DDX43: variants seen among roughly 807,000 people sequenced by gnomAD.
The protein encoded by DDX43 is probable ATP-dependent RNA helicase DDX43.
A neutral mutation model predicts 84.9 loss-of-function variants in DDX43; 50 were observed. The observed-to-expected ratio is 0.59, with a 90% CI of 0.47 to 0.75. The LOEUF (loss-of-function observed/expected upper bound fraction) is 0.75. Ranked by LOEUF, DDX43 falls within the 30% of genes least tolerant of loss-of-function variation. The pLI is 0.00. For synonymous variants in DDX43, 291 were observed against 266.3 expected, an observed-to-expected ratio of 1.09 and a Z score of -0.90; for missense variants, 689 against 798.6, an observed-to-expected ratio of 0.86 and a Z score of 1.65.
At chr6:73,403,757 C>G (rs1367571236) in intron 4 of DDX43, among the ~76,000 whole-genome samples, 1 of 152,008 alleles carries the variant, frequency 6.6e-6, no homozygotes, top group African/African-American at 2.4e-5. Context: ...TCAAGTGATC[C>G]TCCCACCTCA....
In DDX43 at chr6:73,413,735, G is replaced by A. The variant is rs1232600474; in HGVS notation, c.1446G>A (p.Gln482=). Residue 482 remains glutamine, a synonymous_variant, in exon 12 of 17, where the codon CAG becomes CAA. Transcript: ENST00000370336. ...EKWSHMQTFL[Q]SMSSTDKVIV... is the part of the protein sequence containing the mutation. The stretch of plus-strand genomic sequence containing the variant: ...GGAGTCACATGCAAACTTTTCTACA[G>A]AGTATGTCATCCACAGACAAAGTCA... 1 of 1,613,868 alleles carries A rather than the reference G, an allele frequency of 6.2e-7. No individual in the cohort carries two copies. Among genetic ancestry groups the A allele is most frequent in the Non-Finnish European group, 8.5e-7 (1 of 1,179,894 alleles).
rs138818742 is a variant in DDX43, at chr6:73,406,463, C to A, written c.907C>A (p.His303Asn). The A allele has an allele frequency of 2.1e-4, 339 of 1,610,138 alleles. No homozygotes were observed. The highest frequency in any genetic ancestry group is 2.8e-4 in the Non-Finnish European group (327 of 1,176,762). ...TLCYLMPGFI[H>N]LVLQPSLKGQ... is the part of the protein sequence containing the mutation. ...GTGTTATTTAATGCCTGGATTTATT[C>A]ATCTGGTCCTTCAACCCAGGTAAGA... is the stretch of plus-strand genomic sequence containing the variant. The change falls in exon 7 of 17, where the codon CAT becomes AAT. Residue 303 changes from histidine to asparagine, a missense_variant. Coordinates refer to ENST00000370336, the MANE Select transcript of DDX43 (RefSeq NM_018665.3).
At chr6:73,413,470 G>A (rs925487595) in intron 11 of DDX43, 188 bp from the exon 12 acceptor site, 1 of 472,464 alleles carries the variant, frequency 2.1e-6, no homozygotes, top group Non-Finnish European at 3.7e-6. Flanking sequence ...AGTATTTTGA[G>A]GTTAAGTGAC....
At chr6:73,411,485 C>T (rs1328837402) in intron 10 of DDX43, among the ~76,000 whole-genome samples, 3 of 151,550 alleles carry the variant, frequency 2.0e-5, no homozygotes, top group East Asian at 4.0e-4. Flanking sequence ...CGCACCACCA[C>T]GCCTGACTTA....
At chr6:73,403,580 T>A (rs1251930256) in intron 4 of DDX43, among the ~76,000 whole-genome samples, 1 of 152,192 alleles carries the variant, frequency 6.6e-6, no homozygotes, top group Admixed American at 6.6e-5. Context: ...GAAAAGATAA[T>A]CAAACTATTA....
Position 73,400,251 on chromosome 6 carries a change from A to G in DDX43, c.324A>G (p.Pro108=), listed in dbSNP as rs1352494104. The G allele has an allele frequency of 6.2e-7, 1 of 1,605,602 alleles. No individual in the cohort carries two copies. The highest frequency in any genetic ancestry group is 8.5e-7 in the Non-Finnish European group (1 of 1,177,318). The change falls in exon 3 of 17, where the codon CCA becomes CCG. Residue 108 remains proline (P), a synonymous_variant. Transcript: ENST00000370336. ...GTACCTAGATAATACAAGAACAACC[A>G]GAATCATTAGTCAAAATTTTTGGCA... ...NTTIQIIQEQ[P]ESLVKIFGSK...
Position 73,414,077 on chromosome 6 carries a change from C to T in DDX43, c.1604C>T (p.Thr535Ile), listed in dbSNP as rs2150802322. 1 of 1,564,840 alleles carries T rather than the reference C, an allele frequency of 6.4e-7. No individual in the cohort carries two copies. ...GAGAAAGCATTAGAGAACTTTAAAACAGGTATGTTTATGTAATTAGTATTT... is the reference window on the plus strand; with the variant it reads ...GAGAAAGCATTAGAGAACTTTAAAATAGGTATGTTTATGTAATTAGTATTT... ...DREKALENFK[T>I]GKVRILIATD... is the part of the protein sequence containing the mutation. The change falls in exon 13 of 17, where the codon ACA becomes ATA. Residue 535 changes from threonine to isoleucine, a missense_variant and splice_region_variant. Thr to Ile is a moderately conservative substitution (Grantham distance 89). This residue lies in a region of DDX43 where 552 missense variants were observed against 692.7 expected (regional missense o/e 0.80). Transcript: ENST00000370336.
chr6:73,405,437 A>G (rs934508036), intron 5 of DDX43, among the ~76,000 whole-genome samples: 5 of 152,240 alleles, frequency 3.3e-5, no homozygotes, highest in African/African-American at 1.2e-4. Flanking sequence ...TCTTTGATCC[A>G]TGAAACATTC....
intron 3 of DDX43, among the ~76,000 whole-genome samples, chr6:73,401,179 C>T (rs1353681260): frequency 6.6e-6 from 1 of 152,018 alleles, no homozygotes; most frequent in African/African-American, 2.4e-5. Flanking sequence ...GGGGTTTCAC[C>T]ACGTTGCCTA....
intron 11 of DDX43, among the ~76,000 whole-genome samples, chr6:73,412,666 T>C (rs113669891): frequency 0.1 from 8,320 of 83,560 alleles, 482 homozygotes; most frequent in Middle Eastern, 0.14. Flanking sequence ...TGTGTGTGTG[T>C]GTGCGCGCGC....
intron 1 of DDX43, among the ~76,000 whole-genome samples, chr6:73,397,129 T>C (rs1476576708): frequency 6.6e-6 from 1 of 152,246 alleles, no homozygotes; most frequent in Non-Finnish European, 1.5e-5. Context: ...TTAGTTAATC[T>C]ATACTGTTTT....
intron 12 of DDX43, 44 bp from the exon 13 acceptor site, chr6:73,413,926 T>G: frequency 6.5e-7 from 1 of 1,535,218 alleles, no homozygotes; most frequent in East Asian, 2.3e-5. Context: ...ACTGGTGGCA[T>G]TAGAATAAGC....
At chr6:73,407,913 A>G in intron 8 of DDX43, 47 bp from the exon 9 acceptor site, 1 of 1,556,370 alleles carries the variant, frequency 6.4e-7, no homozygotes, top group East Asian at 2.2e-5. Flanking sequence ...AGTTGTGATG[A>G]GATATTCTGT....
intron 10 of DDX43, among the ~76,000 whole-genome samples, chr6:73,409,572 A>T (rs920561336): frequency 6.6e-6 from 1 of 152,220 alleles, no homozygotes; most frequent in African/African-American, 2.4e-5. Flanking sequence ...ACATTTACTT[A>T]TCATAGTAAG....
At chr6:73,416,053 C>T in intron 15 of DDX43, 60 bp from the exon 16 acceptor site, 2 of 853,608 alleles carry the variant, frequency 2.3e-6, no homozygotes, top group South Asian at 1.4e-5. Context: ...GATTTGGATG[C>T]ATTTTAGTGT....
chr6:73,400,939 T>G (rs1287892806), intron 3 of DDX43, among the ~76,000 whole-genome samples: 1 of 152,202 alleles, frequency 6.6e-6, no homozygotes, highest in Non-Finnish European at 1.5e-5. Flanking sequence ...AAGATTCTAT[T>G]TTTATATCTG....
rs1562285161 is a variant in DDX43 at position 73,409,341 on chromosome 6, A to G, written c.1273A>G (p.Met425Val). 1.2e-6 allele frequency: 2 copies of G among 1,612,742 alleles called. No homozygotes were observed. Among genetic ancestry groups the G allele is most frequent in the Admixed American group, 1.7e-5 (1 of 60,028 alleles). ...TGTGCGCCCAGATAGGCAGACAGTT[A>G]TGACCAGGTACGTATATGCTTAATT... Reference protein sequence around the residue: ...LDVRPDRQTVMTSATWPHSVH... With the variant: ...LDVRPDRQTVVTSATWPHSVH... The change falls in exon 10 of 17, where the codon ATG becomes GTG. Residue 425 changes from methionine (M) to valine (V), a missense_variant. Coordinates refer to ENST00000370336, the MANE Select transcript of DDX43 (RefSeq NM_018665.3).
intron 10 of DDX43, 57 bp from the exon 11 acceptor site, chr6:73,412,148 G>A (rs1254335353): frequency 1.4e-6 from 2 of 1,448,358 alleles, no homozygotes; most frequent in African/African-American, 2.8e-5. Context: ...GCATGCTTAA[G>A]GAAACATAGT....
intron 4 of DDX43, 30 bp from the exon 5 acceptor site, chr6:73,404,660 T>C (rs1769638595): frequency 6.5e-7 from 1 of 1,527,926 alleles, no homozygotes; most frequent in Admixed American, 1.8e-5. Context: ...GTAAAATTTA[T>C]CAAAGTGTGG....
Sources: allele counts gnomAD v4.1 joint callset (sites outside exome capture counted in the v4.1 genomes callset), GRCh38; gene constraint gnomAD v4.1.1; regional missense constraint gnomAD v4.1.1; transcripts MANE v1.5; gene names NCBI Gene and HGNC (gene_info 2026-07-23, HGNC 2026-07-21).